The following PRKN variants were observed in gnomAD, a reference collection of about 807,000 sequenced individuals.
PRKN encodes parkin RBR E3 ubiquitin protein ligase, also known as E3 ubiquitin-protein ligase parkin.
A neutral mutation model predicts 59.5 loss-of-function variants in PRKN; 56 were observed. The ratio of observed to expected loss-of-function variants is 0.94; its 90% CI spans 0.76 to 1.18. The LOEUF (loss-of-function observed/expected upper bound fraction) is 1.18, where lower values mean the gene tolerates loss of function less well. Ranked by LOEUF, PRKN falls within the 50% of genes most tolerant of loss-of-function variation. PRKN has a pLI of 0.00. For synonymous variants in PRKN, 250 were observed against 222.1 expected, an observed-to-expected ratio of 1.13 and a Z score of -1.12; for missense variants, 657 against 596.4, an observed-to-expected ratio of 1.10 and a Z score of -1.06.
At chr6:161,959,232 G>A (rs1186162548) in intron 6 of PRKN, among the ~76,000 whole-genome samples, 2 of 152,208 alleles carry the variant, frequency 1.3e-5, no homozygotes, top group Non-Finnish European at 1.5e-5. Context: ...CTGCTCAGAT[G>A]TGAGGCGTGT....
Position 161,440,199 on chromosome 6 carries a change from C to T in PRKN, c.1084-53322G>A, listed in dbSNP as rs561337725. Among the ~76,000 whole-genome samples the T allele has an allele frequency of 6.6e-6, 1 of 152,164 alleles. No individual in the cohort carries two copies. The highest frequency in any genetic ancestry group is 2.1e-4 in the South Asian group (1 of 4,814). ...CCATCTCCTGACCTCGTGATCCGCCCGTCTCGGCCTCCCAAAGTGCTGGGA... is the reference window on the plus strand; with the variant it reads ...CCATCTCCTGACCTCGTGATCCGCCTGTCTCGGCCTCCCAAAGTGCTGGGA... On this transcript the variant is annotated intron_variant, in intron 9 of 11. Transcript: ENST00000366898. The surrounding 1 kb of genome is among the most constrained non-coding windows in gnomAD (Gnocchi z 4.1).
rs148453608 is a variant in PRKN at position 161,527,790 on chromosome 6, G to A, written c.1083+21064C>T. ...TTATTAGACTGGCCTCTACAGGGCT[G>A]GAGTCTCTTTTCTGACAGTGCCACT... is the stretch of plus-strand genomic sequence containing the variant. On this transcript the variant is annotated intron_variant, in intron 9 of 11. Coordinates refer to ENST00000366898, the MANE Select transcript of PRKN (RefSeq NM_004562.3). This position sits in a 1 kb window ranked among gnomAD's most constrained non-coding sequence, Gnocchi z 4.6. 5.9e-3 allele frequency among the ~76,000 whole-genome samples: 903 copies of A among 152,260 alleles called. 10 individuals carry two copies. The highest frequency in any genetic ancestry group is 0.017 in the Middle Eastern group (5 of 294).
In PRKN at chr6:161,446,718, T is replaced by C. The variant is rs977502892; in HGVS notation, c.1084-59841A>G. ...ACAAACGAAACAATTCATCCTCATC[T>C]AATTTATAACCATCCTCCCACACTA... On this transcript the variant is annotated intron_variant, in intron 9 of 11. Coordinates refer to ENST00000366898, the MANE Select transcript of PRKN (RefSeq NM_004562.3). This position sits in a 1 kb window ranked among gnomAD's most constrained non-coding sequence, Gnocchi z 6.2. Among the ~76,000 whole-genome samples the C allele has an allele frequency of 6.6e-6, 1 of 152,208 alleles. No individual in the cohort carries two copies. The highest frequency in any genetic ancestry group is 2.4e-5 in the African/African-American group (1 of 41,456).
chr6:161,767,796 C>T (rs1789495312), intron 7 of PRKN, among the ~76,000 whole-genome samples: 1 of 151,872 alleles, frequency 6.6e-6, no homozygotes, highest in Non-Finnish European at 1.5e-5. Context: ...GATGGGAGTG[C>T]AGGGAGGTAG....
At chr6:162,057,169 C>A (rs1399709306) in intron 4 of PRKN, among the ~76,000 whole-genome samples, 1 of 152,104 alleles carries the variant, frequency 6.6e-6, no homozygotes, top group African/African-American at 2.4e-5. Flanking sequence ...AATATCACAC[C>A]AGTCACAAAG....
chr6:162,407,417 T>C (rs966047439), intron 2 of PRKN, among the ~76,000 whole-genome samples: 17 of 152,176 alleles, frequency 1.1e-4, no homozygotes, highest in African/African-American at 3.4e-4. Context: ...TGAAAACAAA[T>C]GTAATATAGT....
At position 161,578,082 on chromosome 6, in the gene PRKN, C is replaced by T. The variant is rs1781201944; in HGVS notation, c.872-8666G>A. 6.6e-6 allele frequency among the ~76,000 whole-genome samples: 1 copy of T among 151,946 alleles called. No individual in the cohort carries two copies. Among genetic ancestry groups the T allele is most frequent in the Non-Finnish European group, 1.5e-5 (1 of 68,004 alleles). On this transcript the variant is annotated intron_variant, in intron 7 of 11. Transcript: ENST00000366898. The surrounding 1 kb of genome is among the most constrained non-coding windows in gnomAD (Gnocchi z 4.2). ...GCAGAAGAAATAAGACGCACACCAA[C>T]AAACCAAGTAGATGTAGAAAGAGCC...
intron 3 of PRKN, among the ~76,000 whole-genome samples, chr6:162,203,790 C>G (rs1277223392): frequency 6.6e-6 from 1 of 152,166 alleles, no homozygotes; most frequent in Admixed American, 6.5e-5. Flanking sequence ...AATCCTTTCT[C>G]TCTCCTAATC....
At chr6:161,439,897 A>T (rs1215082362) in intron 9 of PRKN, among the ~76,000 whole-genome samples, 2 of 152,004 alleles carry the variant, frequency 1.3e-5, no homozygotes, top group Admixed American at 1.3e-4. Flanking sequence ...AGTAGAGCTG[A>T]GATTCGAGCA....
chr6:161,534,408 G>A (rs371977254), intron 9 of PRKN, among the ~76,000 whole-genome samples: 1 of 152,116 alleles, frequency 6.6e-6, no homozygotes, highest in South Asian at 2.1e-4. Context: ...TGCAGGCATC[G>A]TTGCTGAGGA....
intron 9 of PRKN, among the ~76,000 whole-genome samples, chr6:161,441,808 A>G (rs1190725532): frequency 2.6e-5 from 4 of 152,162 alleles, no homozygotes; most frequent in Non-Finnish European, 4.4e-5. Flanking sequence ...TGCAGCTGCC[A>G]CCTGCCTGGG....
chr6:162,425,327 A>G (rs552489518), intron 2 of PRKN, among the ~76,000 whole-genome samples: 3 of 152,314 alleles, frequency 2.0e-5, no homozygotes, highest in South Asian at 2.1e-4. Context: ...ACAAAGCCCA[A>G]GAACTCACAT....
At chr6:162,002,866 T>C (rs147882307) in intron 5 of PRKN, among the ~76,000 whole-genome samples, 3 of 152,126 alleles carry the variant, frequency 2.0e-5, no homozygotes, top group African/African-American at 4.8e-5. Context: ...TTGTGATTTA[T>C]TATTTGACTC....
intron 4 of PRKN, among the ~76,000 whole-genome samples, chr6:162,198,252 G>T (rs766142613): frequency 5.9e-5 from 9 of 152,070 alleles, no homozygotes; most frequent in Non-Finnish European, 1.2e-4. Flanking sequence ...GGAGATAGAG[G>T]TGGAGCCGAG....
intron 4 of PRKN, among the ~76,000 whole-genome samples, chr6:162,111,952 G>A (rs1780457121): frequency 6.6e-6 from 1 of 152,182 alleles, no homozygotes; most frequent in South Asian, 2.1e-4. Context: ...TCCAGATACA[G>A]AGAATCAAAA....
intron 6 of PRKN, among the ~76,000 whole-genome samples, chr6:161,869,098 G>A (rs1278874422): frequency 6.6e-6 from 1 of 152,198 alleles, no homozygotes; most frequent in Non-Finnish European, 1.5e-5. Flanking sequence ...AAAGGGGATA[G>A]CTGGGCGCGA....
rs66767822 is a variant in PRKN at position 162,235,993 on chromosome 6, G to GA, written c.412+26531dup. Among the ~76,000 whole-genome samples the GA allele has an allele frequency of 4.1e-3, 548 of 135,032 alleles. 17 individuals are homozygous for GA. In the South Asian group the frequency reaches 0.042, roughly 10 times the overall value. The allele number at this position is 135,032 out of a possible 152,430, so 88.6% of individuals were successfully genotyped here. On this transcript the variant is annotated intron_variant, in intron 3 of 11. Coordinates refer to ENST00000366898, the MANE Select transcript of PRKN (RefSeq NM_004562.3). ...AGAAAGAAAGAAAGAAAGAAAGAAAGAAAGAAAGAAAGAAAGAAAGAAAGA... is the reference window on the plus strand; with the variant it reads ...AGAAAGAAAGAAAGAAAGAAAGAAAGAAAAGAAAGAAAGAAAGAAAGAAAGA...
chr6:162,152,271 T>C lies in PRKN; in HGVS notation c.534+48860A>G, dbSNP rs578258542. 2.0e-5 allele frequency among the ~76,000 whole-genome samples: 3 copies of C among 152,284 alleles called. No individual in the cohort carries two copies. The South Asian group carries it at 6.2e-4, about 32-fold the overall frequency. ...CACATCGTTTCCTAGTATTTCACAA[T>C]GTGTGTCTCCCAAATTTTCCAAATC... On this transcript the variant is annotated intron_variant, in intron 4 of 11. Transcript: ENST00000366898.
chr6:162,684,438 G>A (rs1779889931), intron 1 of PRKN, among the ~76,000 whole-genome samples: 1 of 151,976 alleles, frequency 6.6e-6, no homozygotes. Flanking sequence ...ACTTAGAGGT[G>A]GGAATTTTAT....
Sources: gnomAD v4.1 joint callset for allele counts (sites outside exome capture counted in the v4.1 genomes callset) on GRCh38, gnomAD v4.1.1 for gene constraint, Gnocchi (gnomAD v3.1) non-coding constraint, MANE v1.5 for transcripts, NCBI Gene and HGNC (gene_info 2026-07-23, HGNC 2026-07-21) for gene names.